The following SALL3 variants were observed in gnomAD, a reference collection of about 807,000 sequenced individuals.
SALL3 encodes the protein spalt like transcription factor 3, also known as sal-like protein 3.
In SALL3, 25 loss-of-function variants were observed where a neutral mutation model predicts 66.2. That is an observed-to-expected ratio of 0.38 (90% CI 0.28 to 0.53). The LOEUF (loss-of-function observed/expected upper bound fraction) is 0.53. Among genes scored for constraint, SALL3 ranks in the 20% least tolerant of loss-of-function variants. The pLI is 0.85. For missense variants in SALL3, 2,194 were observed against 1,916.5 expected (o/e 1.14, Z -2.70); for synonymous variants, 1,152 against 899.1 (o/e 1.28, Z -5.03).
chr18:78,986,058 TGAAA>T (rs1478674714), intron 1 of SALL3, among the ~76,000 whole-genome samples: 16 of 152,350 alleles, frequency 1.1e-4, no homozygotes, highest in African/African-American at 3.8e-4. Context: ...AACATCTAAA[TGAAA>T]GAACTATTGT....
In SALL3 at chr18:78,994,826, G is replaced by C. The variant is rs776394142; in HGVS notation, c.2835G>C (p.Pro945=). The stretch of plus-strand genomic sequence containing the variant: ...GGCCGGACAGCCCAGCCGCCGCCCC[G>C]GGCAGCGGAGGCGCCCCTGGCCGCG... ...TERPDSPAAA[P]GSGGAPGRAG... Residue 945 remains proline, a synonymous_variant, in exon 2 of 3, where the codon CCG becomes CCC. Coordinates refer to ENST00000537592, the MANE Select transcript of SALL3 (RefSeq NM_171999.4). 1.3e-6 allele frequency: 2 copies of C among 1,595,972 alleles called. No homozygotes were observed. The highest frequency in any genetic ancestry group is 1.7e-4 in the Middle Eastern group (1 of 5,770).
Position 78,993,400 on chromosome 18 carries a change from A to C in SALL3, c.1409A>C (p.His470Pro). Residue 470 changes from histidine to proline, a missense_variant, in exon 2 of 3, where the codon CAC becomes CCC. By Grantham distance (77) the His-to-Pro change is moderately conservative. Transcript: ENST00000537592. Reference protein sequence around the residue: ...KGNLKVHFQRHKEKYPHIQMN... With the variant: ...KGNLKVHFQRPKEKYPHIQMN... Reference sequence around the variant, plus strand: ...AACCTGAAGGTGCACTTCCAGAGGCACAAGGAGAAGTACCCCCACATCCAG... The same window carrying C: ...AACCTGAAGGTGCACTTCCAGAGGCCCAAGGAGAAGTACCCCCACATCCAG... The C allele has an allele frequency of 6.2e-7, 1 of 1,612,758 alleles. No individual in the cohort carries two copies. The highest frequency in any genetic ancestry group is 1.7e-5 in the Admixed American group (1 of 60,000).
intron 1 of SALL3, among the ~76,000 whole-genome samples, chr18:78,984,266 A>G (rs1914165575): frequency 6.6e-6 from 1 of 152,190 alleles, no homozygotes; most frequent in Non-Finnish European, 1.5e-5. Flanking sequence ...CAGGGTTTCT[A>G]TTCTGTGTGC....
intron 1 of SALL3, among the ~76,000 whole-genome samples, chr18:78,983,761 C>T (rs1232452405): frequency 1.3e-5 from 2 of 152,184 alleles, no homozygotes; most frequent in African/African-American, 2.4e-5. Flanking sequence ...AGGAACAATG[C>T]AGGAGCTACT....
chr18:78,984,566 CAATG>C (rs900929007), intron 1 of SALL3, among the ~76,000 whole-genome samples: 2 of 151,696 alleles, frequency 1.3e-5, no homozygotes, highest in Admixed American at 1.3e-4. Context: ...ATTTCATACA[CAATG>C]AAACAAACTG....
rs201571077 is a variant in SALL3 at position 78,994,490 on chromosome 18, G to T, written c.2499G>T (p.Pro833=). Residue 833 remains proline (P), a synonymous_variant, in exon 2 of 3, where the codon CCG becomes CCT. Transcript: ENST00000537592. ...LSYAGSCPPS[P]PSVISSIAAL... ...ACGCGGGGTCCTGCCCGCCCTCCCC[G>T]CCCTCGGTCATCTCCAGCATTGCCG... 2 of 680,686 alleles carry T rather than the reference G, an allele frequency of 2.9e-6. No homozygotes were observed. The highest frequency in any genetic ancestry group is 1.8e-5 in the South Asian group (1 of 56,040). The allele number at this position is 680,686 out of a possible 1,614,324, so 42.2% of individuals were successfully genotyped here.
At chr18:78,983,427 A>G (rs936798105) in intron 1 of SALL3, among the ~76,000 whole-genome samples, 6 of 152,250 alleles carry the variant, frequency 3.9e-5, no homozygotes, top group African/African-American at 1.4e-4. Context: ...GTTAGAAAAT[A>G]TGTATTTAAG....
intron 1 of SALL3, among the ~76,000 whole-genome samples, chr18:78,982,560 T>C (rs1238195133): frequency 6.6e-6 from 1 of 152,198 alleles, no homozygotes; most frequent in Non-Finnish European, 1.5e-5. Flanking sequence ...CTGTTCCGTG[T>C]TAAGTCAAGG....
At chr18:78,982,130 T>G (rs987385526) in intron 1 of SALL3, among the ~76,000 whole-genome samples, 11 of 152,258 alleles carry the variant, frequency 7.2e-5, no homozygotes, top group African/African-American at 2.7e-4. Flanking sequence ...CTGCTATTCA[T>G]TTTTAATTTC....
Position 78,992,404 on chromosome 18 carries a change from C to T in SALL3, c.413C>T (p.Pro138Leu). The stretch of plus-strand genomic sequence containing the variant: ...GAGGCCGAGCCCATGGACGCGGAAC[C>T]CGCGGGGGACACGCGCGCGCCCCGG... ...EKEAEPMDAE[P>L]AGDTRAPRPP... Residue 138 changes from proline (P) to leucine (L), a missense_variant, in exon 2 of 3, where the codon CCC becomes CTC. Transcript: ENST00000537592. The T allele has an allele frequency of 7.5e-6, 10 of 1,328,706 alleles. No homozygotes were observed. The highest frequency in any genetic ancestry group is 9.6e-6 in the Non-Finnish European group (10 of 1,047,100). 82.3% of individuals were successfully genotyped at this position (1,328,706 alleles called of 1,614,324 possible). A position where few individuals can be genotyped will look rare whatever the true frequency, so the allele number is the denominator to read the frequency against.
intron 2 of SALL3, 66 bp downstream of exon 2, chr18:78,995,528 C>T (rs1914660923): frequency 6.7e-7 from 1 of 1,489,556 alleles, no homozygotes; most frequent in East Asian, 2.3e-5. Flanking sequence ...TTCTCCATCA[C>T]CTGCCGCAGA....
Position 78,995,466 on chromosome 18 carries a change from A to C in SALL3, c.3471+4A>C. On this transcript the variant is annotated splice_donor_region_variant and intron_variant, in intron 2 of 2. Coordinates refer to ENST00000537592, the MANE Select transcript of SALL3 (RefSeq NM_171999.4). The stretch of plus-strand genomic sequence containing the variant: ...CACCACTAAGGGCAACCTCAAGGTA[A>C]GAGCATGGCAGGCTCCAGCCCCGGC... 1 of 1,538,762 alleles carries C rather than the reference A, an allele frequency of 6.5e-7. No individual in the cohort carries two copies. Among genetic ancestry groups the C allele is most frequent in the Non-Finnish European group, 8.7e-7 (1 of 1,150,268 alleles).
At chr18:78,982,897 A>G (rs139152103) in intron 1 of SALL3, among the ~76,000 whole-genome samples, 180 of 152,334 alleles carry the variant, frequency 1.2e-3, no homozygotes, top group African/African-American at 4.0e-3. Context: ...CAAATATTCT[A>G]TGCAAAAATG....
rs777650603 is a variant in SALL3, at chr18:78,995,022, A to C, written c.3031A>C (p.Arg1011=). ...GCGGCCATTCGTCTGCGCGCTCTGC[A>C]GGCGAGGGTGCTCCACTATGGGTAA... ...KERPFVCALC[R]RGCSTMGNLK... is the part of the protein sequence containing the mutation. Residue 1011 remains arginine, a synonymous_variant, in exon 2 of 3, where the codon AGG becomes CGG. Coordinates refer to ENST00000537592, the MANE Select transcript of SALL3 (RefSeq NM_171999.4). 3 of 1,613,880 alleles carry C rather than the reference A, an allele frequency of 1.9e-6. No individual in the cohort carries two copies. The highest frequency in any genetic ancestry group is 3.3e-5 in the Admixed American group (2 of 60,036).
At chr18:78,990,362 G>C (rs568472169) in intron 1 of SALL3, among the ~76,000 whole-genome samples, 2 of 152,128 alleles carry the variant, frequency 1.3e-5, no homozygotes, top group African/African-American at 4.8e-5. Context: ...CCTTCAGATG[G>C]TTTAGCCAGT....
chr18:78,984,973 CATT>C (rs1399987307), intron 1 of SALL3: 50 of 152,370 alleles, frequency 3.3e-4, no homozygotes, highest in African/African-American at 1.2e-3. Flanking sequence ...TCTCTGCGAG[CATT>C]AGCAGCCAGC....
chr18:78,993,351 G>A lies in SALL3; in HGVS notation c.1360G>A (p.Gly454Arg), dbSNP rs1248575843. The A allele has an allele frequency of 2.5e-6, 4 of 1,612,340 alleles. No individual in the cohort carries two copies. The highest frequency in any genetic ancestry group is 3.4e-6 in the Non-Finnish European group (4 of 1,179,864). Residue 454 changes from glycine to arginine, a missense_variant, in exon 2 of 3, where the codon GGG (glycine) becomes AGG (arginine). By Grantham distance (125) the Gly-to-Arg change is moderately radical. Transcript: ENST00000537592. ...GCGGCCCTTCAAGTGCAACATCTGC[G>A]GGAACCGCTTCTCCACCAAAGGCAA... The part of the protein sequence containing the change: ...GERPFKCNIC[G>R]NRFSTKGNLK...
rs890481235 is a variant in SALL3, at chr18:78,997,400, G to A, written c.*78G>A. ...TCAGGCCTCCGACCTTTCTTGCCTC[G>A]GTTCTCATTACACTTTCACCCATAG... On this transcript the variant is annotated 3_prime_UTR_variant, in exon 3 of 3. Coordinates refer to ENST00000537592, the MANE Select transcript of SALL3 (RefSeq NM_171999.4). 22 of 1,416,048 alleles carry A rather than the reference G, an allele frequency of 1.6e-5. No individual in the cohort carries two copies. The highest frequency in any genetic ancestry group is 2.1e-5 in the Non-Finnish European group (21 of 1,022,670). 87.7% of individuals were successfully genotyped at this position (1,416,048 alleles called of 1,614,324 possible).
intron 1 of SALL3, among the ~76,000 whole-genome samples, chr18:78,989,857 TATGG>T (rs1438631508): frequency 6.6e-6 from 1 of 152,236 alleles, no homozygotes; most frequent in Non-Finnish European, 1.5e-5. Context: ...TATAGATGTG[TATGG>T]ATGGTTTAAT....
Sources: gnomAD v4.1 joint callset for allele counts (sites outside exome capture counted in the v4.1 genomes callset) on GRCh38, gnomAD v4.1.1 for gene constraint, MANE v1.5 for transcripts, NCBI Gene and HGNC (gene_info 2026-07-23, HGNC 2026-07-21) for gene names.